The following PTPRD variants were observed in gnomAD, a reference collection of about 807,000 sequenced individuals.
PTPRD encodes receptor-type tyrosine-protein phosphatase delta.
A neutral mutation model predicts 214.5 loss-of-function variants in PTPRD; 34 were observed. That is an observed-to-expected ratio of 0.16 (90% CI 0.12 to 0.21). The LOEUF is 0.21. Ranked by LOEUF, PTPRD falls within the 10% of genes least tolerant of loss-of-function variation. The pLI is 1.00. For missense variants in PTPRD, 2,545 were observed against 2,398.7 expected (o/e 1.06, Z -1.27); for synonymous variants, 1,128 against 845.7 (o/e 1.33, Z -5.79).
chr9:9,743,728 CTA>C (rs1491528983), intron 6 of PTPRD, among the ~76,000 whole-genome samples: 2 of 54,842 alleles, frequency 3.6e-5, no homozygotes, highest in African/African-American at 1.6e-4. Flanking sequence ...AAAACTCAGT[CTA>C]TACACACACA....
chr9:10,235,629 A>G (rs1416660380), intron 3 of PTPRD, among the ~76,000 whole-genome samples: 1 of 152,010 alleles, frequency 6.6e-6, no homozygotes, highest in Non-Finnish European at 1.5e-5. Context: ...TCTGGTAGTC[A>G]ACATTTATGA....
chr9:9,952,763 A>G (rs1391775907), intron 4 of PTPRD, among the ~76,000 whole-genome samples: 2 of 152,140 alleles, frequency 1.3e-5, no homozygotes, highest in Non-Finnish European at 2.9e-5. Context: ...AAGATAGAGT[A>G]CCTGTAATAC....
At chr9:9,258,928 G>T (rs527499406) in intron 9 of PTPRD, among the ~76,000 whole-genome samples, 5 of 151,848 alleles carry the variant, frequency 3.3e-5, no homozygotes, top group African/African-American at 1.2e-4. Flanking sequence ...TCCAAAAATT[G>T]TGCAGACATT....
chr9:9,409,966 T>C (rs911628893), intron 8 of PTPRD, among the ~76,000 whole-genome samples: 1 of 152,176 alleles, frequency 6.6e-6, no homozygotes. Context: ...TGTTGGCCTG[T>C]CTGACTACCA....
At chr9:8,651,543 A>G (rs1466829378) in intron 12 of PTPRD, among the ~76,000 whole-genome samples, 2 of 152,216 alleles carry the variant, frequency 1.3e-5, no homozygotes, top group South Asian at 2.1e-4. Flanking sequence ...AGTGTAATGC[A>G]GTAATGTAGT....
rs573128699 is a variant in PTPRD at position 10,171,344 on chromosome 9, A to T, written c.-544-137554T>A. Among the ~76,000 whole-genome samples, 328 of 151,860 alleles carry T rather than the reference A, an allele frequency of 2.2e-3. 3 individuals are homozygous for T. Among genetic ancestry groups the T allele is most frequent in the African/African-American group, 7.5e-3 (311 of 41,402 alleles). ...CATACGGTTCTTGATATGGTTCCTG[A>T]TACGAGATCTGATGGTTTTATAAGG... On this transcript the variant is annotated intron_variant, in intron 3 of 45. Transcript: ENST00000381196.
intron 7 of PTPRD, among the ~76,000 whole-genome samples, chr9:9,645,945 T>C (rs1278639403): frequency 1.3e-5 from 2 of 152,076 alleles, no homozygotes; most frequent in Admixed American, 1.3e-4. Flanking sequence ...ATTTTGGGGG[T>C]ACATATGATA....
chr9:9,000,592 T>C (rs925242831), intron 11 of PTPRD, among the ~76,000 whole-genome samples: 11 of 151,994 alleles, frequency 7.2e-5, no homozygotes, highest in African/African-American at 2.7e-4. Context: ...GTCTAAGCAT[T>C]TTTAATGACC....
intron 7 of PTPRD, among the ~76,000 whole-genome samples, chr9:9,655,712 T>C (rs61229108): frequency 0.014 from 2,162 of 151,842 alleles, 58 homozygotes; most frequent in African/African-American, 0.05. Flanking sequence ...GTGCGGTGGC[T>C]CACAACTGTA....
At chr9:9,107,250 A>C (rs1187572568) in intron 10 of PTPRD, among the ~76,000 whole-genome samples, 1 of 152,156 alleles carries the variant, frequency 6.6e-6, no homozygotes, top group African/African-American at 2.4e-5. Flanking sequence ...ATTGATTCTG[A>C]AGATACTTGC....
intron 2 of PTPRD, among the ~76,000 whole-genome samples, chr9:10,445,436 C>T (rs1011806144): frequency 4.6e-5 from 7 of 152,012 alleles, no homozygotes; most frequent in Admixed American, 3.3e-4. Flanking sequence ...GAGGTCTACA[C>T]TACTGCTATG....
intron 14 of PTPRD, among the ~76,000 whole-genome samples, chr9:8,532,167 T>G (rs2075857103): frequency 6.6e-6 from 1 of 152,094 alleles, no homozygotes; most frequent in Admixed American, 6.6e-5. Context: ...AACATCACAA[T>G]GTAACAGATT....
chr9:8,512,208 T>C (rs562575453), intron 21 of PTPRD, among the ~76,000 whole-genome samples: 1 of 152,174 alleles, frequency 6.6e-6, no homozygotes, highest in Non-Finnish European at 1.5e-5. Context: ...ACAGCCAGAA[T>C]TATAACGGTA....
intron 11 of PTPRD, among the ~76,000 whole-genome samples, chr9:8,824,492 G>A (rs2097137747): frequency 6.6e-6 from 1 of 152,078 alleles, no homozygotes; most frequent in Admixed American, 6.6e-5. Flanking sequence ...GACAAAAGGT[G>A]GTATCTGTAA....
intron 3 of PTPRD, among the ~76,000 whole-genome samples, chr9:10,122,630 C>T (rs967057822): frequency 1.3e-5 from 2 of 152,144 alleles, no homozygotes; most frequent in East Asian, 3.9e-4. Context: ...ACACATTGGG[C>T]TCAATTAAAC....
chr9:10,486,069 A>G (rs187513255), intron 2 of PTPRD, among the ~76,000 whole-genome samples: 2 of 151,658 alleles, frequency 1.3e-5, no homozygotes, highest in Non-Finnish European at 2.9e-5. Context: ...TTCCTTGTAA[A>G]TTCTGGATAT....
intron 10 of PTPRD, among the ~76,000 whole-genome samples, chr9:9,167,059 G>A (rs987306927): frequency 1.3e-5 from 2 of 152,080 alleles, no homozygotes; most frequent in Non-Finnish European, 2.9e-5. Context: ...AAAGCCCAGA[G>A]AGGTTAAAGA....
chr9:10,514,028 G>A (rs1175351919), intron 2 of PTPRD, among the ~76,000 whole-genome samples: 1 of 152,124 alleles, frequency 6.6e-6, no homozygotes, highest in Non-Finnish European at 1.5e-5. Context: ...AAGCTTTGTA[G>A]ATCAGTATTA....
chr9:9,838,489 T>C (rs1392772569), intron 5 of PTPRD, among the ~76,000 whole-genome samples: 10 of 152,154 alleles, frequency 6.6e-5, no homozygotes, highest in Non-Finnish European at 1.5e-4. Context: ...TATCTCATTG[T>C]GGTTTTGATT....
Sources: gnomAD v4.1 joint callset for allele counts (sites outside exome capture counted in the v4.1 genomes callset) on GRCh38, gnomAD v4.1.1 for gene constraint, MANE v1.5 for transcripts, NCBI Gene and HGNC (gene_info 2026-07-23, HGNC 2026-07-21) for gene names.